Variants in KCNT2 observed in about 807,000 individuals in gnomAD.
The protein encoded by KCNT2 is potassium channel subfamily T member 2.
KCNT2 carries 67 observed loss-of-function variants against 153.8 expected under a neutral mutation model. The observed-to-expected ratio is 0.44, with a 90% CI of 0.36 to 0.53. The LOEUF (loss-of-function observed/expected upper bound fraction) is 0.53, where lower values mean the gene tolerates loss of function less well. Among genes scored for constraint, KCNT2 ranks in the 20% least tolerant of loss-of-function variants. KCNT2 has a pLI of 0.00. For synonymous variants in KCNT2, 500 were observed against 458.8 expected, an observed-to-expected ratio of 1.09 and a Z score of -1.15; for missense variants, 975 against 1,354.8, an observed-to-expected ratio of 0.72 and a Z score of 4.40.
chr1:196,263,978 T>G (rs1301275690), intron 25 of KCNT2, among the ~76,000 whole-genome samples: 5 of 152,178 alleles, frequency 3.3e-5, no homozygotes, highest in Non-Finnish European at 7.4e-5. Flanking sequence ...CAATCTCTAC[T>G]TTCTACTTAC....
At chr1:196,447,776 A>G (rs1274892966) in intron 8 of KCNT2, among the ~76,000 whole-genome samples, 1 of 149,060 alleles carries the variant, frequency 6.7e-6, no homozygotes, top group Non-Finnish European at 1.5e-5. Flanking sequence ...AGTTGTCTGG[A>G]AAGACAGAAG....
At chr1:196,274,516 T>C (rs1326639433) in intron 25 of KCNT2, among the ~76,000 whole-genome samples, 1 of 151,698 alleles carries the variant, frequency 6.6e-6, no homozygotes, top group Non-Finnish European at 1.5e-5. Flanking sequence ...AACCAGTCAA[T>C]CCTAAACCTT....
At chr1:196,466,147 T>C (rs1462815340) in intron 7 of KCNT2, among the ~76,000 whole-genome samples, 2 of 152,134 alleles carry the variant, frequency 1.3e-5, no homozygotes, top group African/African-American at 4.8e-5. Flanking sequence ...ACAGGCTTTG[T>C]TACTGTCAAT....
chr1:196,290,468 A>G (rs2147914178), intron 22 of KCNT2, among the ~76,000 whole-genome samples: 1 of 151,856 alleles, frequency 6.6e-6, no homozygotes, highest in African/African-American at 2.4e-5. Flanking sequence ...TAAGCCTTAC[A>G]TTTCTTAAGG....
At chr1:196,438,040 A>G (rs1674881720) in intron 8 of KCNT2, among the ~76,000 whole-genome samples, 1 of 151,630 alleles carries the variant, frequency 6.6e-6, no homozygotes, top group Admixed American at 6.6e-5. Context: ...CATGCTCCTC[A>G]AATGAAAAGC....
At chr1:196,567,484 T>G (rs1660253173) in intron 1 of KCNT2, among the ~76,000 whole-genome samples, 1 of 152,166 alleles carries the variant, frequency 6.6e-6, no homozygotes, top group Admixed American at 6.5e-5. Context: ...TCATAATTTT[T>G]AGAAACAGGA....
intron 13 of KCNT2, among the ~76,000 whole-genome samples, chr1:196,390,704 T>C (rs932999693): frequency 6.6e-6 from 1 of 151,270 alleles, no homozygotes; most frequent in African/African-American, 2.4e-5. Flanking sequence ...CAAAAAAATC[T>C]TAGTAAAATT....
intron 1 of KCNT2, among the ~76,000 whole-genome samples, chr1:196,564,876 A>G (rs1659892474): frequency 6.6e-6 from 1 of 151,848 alleles, no homozygotes; most frequent in Non-Finnish European, 1.5e-5. Context: ...AAAGTAATAG[A>G]TGAAAACATA....
In KCNT2 at chr1:196,499,316, T is replaced by A. The variant is rs568664174; in HGVS notation, c.96-6975A>T. ...GGTGCTTCATTGTGGCAGTCCTAAA[T>A]ACAGTCTTTTTCTATAATGGTGACA... is the stretch of plus-strand genomic sequence containing the variant. On this transcript the variant is annotated intron_variant, in intron 1 of 27. Transcript: ENST00000294725. Among the ~76,000 whole-genome samples, 85 of 152,356 alleles carry A rather than the reference T, an allele frequency of 5.6e-4. 1 individual carries two copies. The South Asian group carries it at 0.017, about 31-fold the overall frequency.
At position 196,293,875 on chromosome 1, in the gene KCNT2, AAAAAAAC is replaced by A. The variant is rs1660431460; in HGVS notation, c.2596-8124_2596-8118del. On this transcript the variant is annotated intron_variant, in intron 22 of 27. Coordinates refer to ENST00000294725, the MANE Select transcript of KCNT2 (RefSeq NM_198503.5). ...CTGCACAGTCAAAAAAAAAAAAAAC[AAAAAAAC>A]AAAAAACAAAACAATTAATGGAACG... 2.0e-5 allele frequency among the ~76,000 whole-genome samples: 3 copies of A among 148,612 alleles called. No individual in the cohort carries two copies. In the South Asian group the frequency reaches 6.3e-4, roughly 31 times the overall value.
intron 13 of KCNT2, among the ~76,000 whole-genome samples, chr1:196,383,076 T>C (rs1248137406): frequency 1.3e-5 from 2 of 152,002 alleles, no homozygotes; most frequent in African/African-American, 4.8e-5. Flanking sequence ...GACTAGGGAG[T>C]TCAGGTTCCT....
chr1:196,368,120 A>G (rs1272639944), intron 14 of KCNT2, among the ~76,000 whole-genome samples: 1 of 152,182 alleles, frequency 6.6e-6, no homozygotes, highest in Non-Finnish European at 1.5e-5. Flanking sequence ...CCCTACTTTC[A>G]GTGAGATATT....
chr1:196,378,837 T>C (rs918826762), intron 13 of KCNT2, among the ~76,000 whole-genome samples: 5 of 148,118 alleles, frequency 3.4e-5, no homozygotes, highest in South Asian at 2.1e-4. Context: ...TATATATATA[T>C]AATGTTATGC....
intron 12 of KCNT2, among the ~76,000 whole-genome samples, chr1:196,422,780 T>C (rs921298476): frequency 3.3e-5 from 5 of 151,918 alleles, no homozygotes; most frequent in African/African-American, 1.2e-4. Context: ...ACATACTTAA[T>C]AAAAAATGTT....
intron 8 of KCNT2, among the ~76,000 whole-genome samples, chr1:196,457,509 T>A (rs1676779022): frequency 7.0e-6 from 1 of 143,636 alleles, no homozygotes. Flanking sequence ...GGCAAGCACA[T>A]CTTAAAGCTT....
chr1:196,533,433 G>A (rs764367202), intron 1 of KCNT2, among the ~76,000 whole-genome samples: 2 of 152,056 alleles, frequency 1.3e-5, no homozygotes, highest in Non-Finnish European at 2.9e-5. Flanking sequence ...GATGATTCCA[G>A]AGAAGCAACT....
At chr1:196,337,785 T>C (rs542430095) in intron 16 of KCNT2, among the ~76,000 whole-genome samples, 17 of 152,276 alleles carry the variant, frequency 1.1e-4, no homozygotes, top group African/African-American at 4.1e-4. Flanking sequence ...AATTATCTCC[T>C]ATACTAGCTC....
chr1:196,479,917 C>T (rs1031815570), intron 4 of KCNT2, among the ~76,000 whole-genome samples: 8 of 152,206 alleles, frequency 5.3e-5, no homozygotes, highest in Non-Finnish European at 5.9e-5. Context: ...TCTTTGAGTA[C>T]TAAATAAAAT....
intron 5 of KCNT2, among the ~76,000 whole-genome samples, chr1:196,470,425 C>T (rs974574965): frequency 1.3e-5 from 2 of 152,180 alleles, no homozygotes; most frequent in African/African-American, 4.8e-5. Context: ...AACCTATGGT[C>T]ATTTAAAAAT....
Sources: gnomAD v4.1 joint callset for allele counts (sites outside exome capture counted in the v4.1 genomes callset) on GRCh38, gnomAD v4.1.1 for gene constraint, MANE v1.5 for transcripts, NCBI Gene and HGNC (gene_info 2026-07-23, HGNC 2026-07-21) for gene names.